Variants in DPYD observed in about 807,000 individuals in gnomAD.
The protein encoded by DPYD is dihydropyrimidine dehydrogenase [NADP(+)].
In DPYD, 109 loss-of-function variants were observed where a neutral mutation model predicts 116.2. That is an observed-to-expected ratio of 0.94 (90% CI 0.80 to 1.10). DPYD has a LOEUF of 1.10. DPYD is among the 50% of genes least tolerant of loss of function. The pLI, the probability that DPYD is intolerant of heterozygous loss-of-function variation, is 0.00. For synonymous variants in DPYD, 440 were observed against 432.0 expected (o/e 1.02, Z -0.23); for missense variants, 1,302 against 1,254.5 (o/e 1.04, Z -0.57).
intron 1 of DPYD, among the ~76,000 whole-genome samples, chr1:97,907,302 T>C (rs1673686364): frequency 1.3e-5 from 2 of 152,152 alleles, no homozygotes; most frequent in Non-Finnish European, 2.9e-5. Context: ...CCTGGTTCTT[T>C]TCCATATTTG....
chr1:97,657,691 C>A (rs79321297), intron 8 of DPYD, among the ~76,000 whole-genome samples: 20 of 152,166 alleles, frequency 1.3e-4, no homozygotes, highest in Middle Eastern at 3.4e-3. Context: ...GAACCACGGG[C>A]GTCTAGAAAT....
intron 18 of DPYD, among the ~76,000 whole-genome samples, chr1:97,250,360 T>A (rs1275695690): frequency 6.6e-6 from 1 of 152,228 alleles, no homozygotes; most frequent in African/African-American, 2.4e-5. Context: ...GACATACATC[T>A]ATCCTATCAC....
At chr1:97,896,177 A>G (rs1010218540) in intron 1 of DPYD, among the ~76,000 whole-genome samples, 2 of 151,798 alleles carry the variant, frequency 1.3e-5, no homozygotes, top group Non-Finnish European at 2.9e-5. Context: ...TCCTGTTCCA[A>G]ACACTCATTG....
At chr1:97,505,948 T>C (rs1647292885) in intron 13 of DPYD, among the ~76,000 whole-genome samples, 1 of 151,802 alleles carries the variant, frequency 6.6e-6, no homozygotes, top group African/African-American at 2.4e-5. Flanking sequence ...GATGAGGCAG[T>C]GGGGTAAGAA....
intron 3 of DPYD, among the ~76,000 whole-genome samples, chr1:97,775,336 T>C (rs1337433567): frequency 6.6e-6 from 1 of 152,174 alleles, no homozygotes; most frequent in Non-Finnish European, 1.5e-5. Context: ...TCTATTATCT[T>C]CTGATATATG....
intron 20 of DPYD, among the ~76,000 whole-genome samples, chr1:97,102,269 C>G (rs930544944): frequency 4.6e-4 from 69 of 151,260 alleles, no homozygotes; most frequent in African/African-American, 1.6e-3. Flanking sequence ...ACTTTATTTT[C>G]TTAATCACAC....
intron 3 of DPYD, among the ~76,000 whole-genome samples, chr1:97,776,408 T>C (rs1666409713): frequency 6.6e-6 from 1 of 152,184 alleles, no homozygotes; most frequent in African/African-American, 2.4e-5. Flanking sequence ...AAGGTTAATA[T>C]TTTTCAGTAT....
At chr1:97,525,051 T>G (rs1385929906) in intron 12 of DPYD, among the ~76,000 whole-genome samples, 2 of 152,194 alleles carry the variant, frequency 1.3e-5, no homozygotes, top group Non-Finnish European at 2.9e-5. Context: ...AGCCAGTCTG[T>G]CAGAAAAATC....
At position 97,709,811 on chromosome 1, in the gene DPYD, C is replaced by T. The variant is rs1247093009; in HGVS notation, c.484-10264G>A. 4.0e-5 allele frequency among the ~76,000 whole-genome samples: 6 copies of T among 151,740 alleles called. No individual in the cohort carries two copies. In the East Asian group the frequency reaches 1.2e-3, roughly 29 times the overall value. On this transcript the variant is annotated intron_variant, in intron 5 of 22. Transcript: ENST00000370192. Reference sequence around the variant, plus strand: ...TGAGGGTAACTCTTGCTTGTTTTAACCCTTCTTGCTAAGAGTATATAATGA... The same window carrying T: ...TGAGGGTAACTCTTGCTTGTTTTAATCCTTCTTGCTAAGAGTATATAATGA...
chr1:97,223,566 C>T (rs914000395), intron 19 of DPYD, among the ~76,000 whole-genome samples: 2 of 151,856 alleles, frequency 1.3e-5, no homozygotes, highest in African/African-American at 4.8e-5. Flanking sequence ...ATTATAGAAA[C>T]CTACAGTCAT....
intron 21 of DPYD, among the ~76,000 whole-genome samples, chr1:97,089,653 T>C (rs927610962): frequency 2.0e-5 from 3 of 152,092 alleles, no homozygotes; most frequent in Non-Finnish European, 2.9e-5. Context: ...GTTTCCCTTA[T>C]GGAATTGGTA....
At chr1:97,129,240 T>G (rs1653087816) in intron 20 of DPYD, among the ~76,000 whole-genome samples, 1 of 151,878 alleles carries the variant, frequency 6.6e-6, no homozygotes, top group Non-Finnish European at 1.5e-5. Flanking sequence ...ATTTTTTGTA[T>G]TTTTTAGTAT....
chr1:97,187,479 T>C (rs1438728346), intron 20 of DPYD, among the ~76,000 whole-genome samples: 1 of 152,116 alleles, frequency 6.6e-6, no homozygotes, highest in East Asian at 1.9e-4. Context: ...TGGGTGACAG[T>C]CCCTGTTGGA....
chr1:97,635,635 A>C (rs1018200452), intron 8 of DPYD, among the ~76,000 whole-genome samples: 1 of 152,210 alleles, frequency 6.6e-6, no homozygotes, highest in Admixed American at 6.5e-5. Flanking sequence ...ACGTCTGCTA[A>C]AATTATTCAA....
intron 3 of DPYD, among the ~76,000 whole-genome samples, chr1:97,811,971 T>C (rs560443976): frequency 2.6e-5 from 4 of 152,248 alleles, no homozygotes; most frequent in African/African-American, 9.6e-5. Context: ...TAGAAAACAA[T>C]ACAACAGTCA....
chr1:97,295,829 G>A, intron 18 of DPYD: 3 of 874,650 alleles, frequency 3.4e-6, no homozygotes, highest in Non-Finnish European at 4.1e-6. Flanking sequence ...ATAAAGTTGT[G>A]TGAAGATTAA....
Position 97,497,164 on chromosome 1 carries a change from C to T in DPYD, c.1740+18562G>A, listed in dbSNP as rs1679313626. On this transcript the variant is annotated intron_variant, in intron 13 of 22. Coordinates refer to ENST00000370192, the MANE Select transcript of DPYD (RefSeq NM_000110.4). The stretch of plus-strand genomic sequence containing the variant: ...TGATTCAGACTCCTAGAGTAATGAT[C>T]TTTCTCCTTGCTATCTACAGTATAT... Among the ~76,000 whole-genome samples, 3 of 151,954 alleles carry T rather than the reference C, an allele frequency of 2.0e-5. No individual in the cohort carries two copies. The South Asian group carries it at 6.2e-4, about 32-fold the overall frequency.
intron 12 of DPYD, among the ~76,000 whole-genome samples, chr1:97,544,629 C>T (rs2102065916): frequency 6.8e-6 from 1 of 147,176 alleles, no homozygotes; most frequent in Middle Eastern, 3.6e-3. Flanking sequence ...TTCCAGTACA[C>T]ATTTATTAGA....
chr1:97,276,565 C>T (rs182939554), intron 18 of DPYD, among the ~76,000 whole-genome samples: 2 of 151,270 alleles, frequency 1.3e-5, no homozygotes, highest in East Asian at 3.9e-4. Flanking sequence ...AAATGTTCAA[C>T]ATCATTAATC....
Sources: allele counts gnomAD v4.1 joint callset (sites outside exome capture counted in the v4.1 genomes callset), GRCh38; gene constraint gnomAD v4.1.1; transcripts MANE v1.5; gene names NCBI Gene and HGNC (gene_info 2026-07-23, HGNC 2026-07-21).